DENND6B: variants seen among roughly 807,000 people sequenced by gnomAD.
DENND6B encodes protein DENND6B.
In DENND6B, 73 loss-of-function variants were observed where a neutral mutation model predicts 85.1. The ratio of observed to expected loss-of-function variants is 0.86; its 90% CI spans 0.71 to 1.04. The LOEUF is 1.04. DENND6B is among the 50% of genes least tolerant of loss of function. DENND6B has a pLI of 0.00. For synonymous variants in DENND6B, 357 were observed against 329.3 expected (o/e 1.08, Z -0.91); for missense variants, 715 against 785.8 (o/e 0.91, Z 1.08).
rs1379533292 is a variant in DENND6B at position 50,314,248 on chromosome 22, A to T, written c.1097T>A (p.Leu366Gln). Residue 366 changes from leucine (L) to glutamine (Q), a missense_variant, in exon 13 of 20, where the codon CTG becomes CAG. Physicochemically the swap from Leu to Gln is moderately radical, Grantham distance 113. Transcript: ENST00000413817. ...MSGDLPKQVKLKKPSRLKTLD... is the reference protein window; with the variant it reads ...MSGDLPKQVKQKKPSRLKTLD... ...GGTCTTCAACCTTGAAGGCTTTTTC[A>T]GCTTGACTTGCTTAGGCAGGTCTCC... 6.2e-7 allele frequency: 1 copy of T among 1,609,600 alleles called. No individual in the cohort carries two copies. The highest frequency in any genetic ancestry group is 1.7e-5 in the Admixed American group (1 of 59,970).
rs146060526 is a variant in DENND6B, at chr22:50,323,721, C to CTTT, written c.177+3088_177+3090dup. ...ACAGGCATCAGCCAGCACGCCTAGC[C>CTTT]TTTTTTTTTTTTTTTTTTTTTTAAT... is the stretch of plus-strand genomic sequence containing the variant. On this transcript the variant is annotated intron_variant, in intron 1 of 19. Transcript: ENST00000413817. Among the ~76,000 whole-genome samples, 15 of 104,580 alleles carry CTTT rather than the reference C, an allele frequency of 1.4e-4. 1 individual carries two copies. Among genetic ancestry groups the CTTT allele is most frequent in the Admixed American group, 3.4e-4 (3 of 8,800 alleles). The allele number at this position is 104,580 out of a possible 152,430, so 68.6% of individuals were successfully genotyped here.
chr22:50,312,742 T>C (rs2068090185), intron 17 of DENND6B, 117 bp from the exon 18 acceptor site: 1 of 283,102 alleles, frequency 3.5e-6, no homozygotes, highest in Non-Finnish European at 6.2e-6. Context: ...ACCCTGGGGA[T>C]TGACAGGCGG....
chr22:50,318,948 A>G lies in DENND6B; in HGVS notation c.216+17T>C. 1 of 1,608,880 alleles carries G rather than the reference A, an allele frequency of 6.2e-7. No homozygotes were observed. The highest frequency in any genetic ancestry group is 1.3e-5 in the African/African-American group (1 of 74,882). ...CACTCCTGGGTCCTGTCCATTCCCA[A>G]GAGGGCCGGGACTCACCTCCTTGTC... is the stretch of plus-strand genomic sequence containing the variant. On this transcript the variant is annotated intron_variant, in intron 2 of 19. Coordinates refer to ENST00000413817, the MANE Select transcript of DENND6B (RefSeq NM_001001794.4).
intron 1 of DENND6B, among the ~76,000 whole-genome samples, chr22:50,324,501 C>T (rs1408617252): frequency 3.9e-5 from 6 of 152,144 alleles, no homozygotes; most frequent in Admixed American, 2.0e-4. Flanking sequence ...CTCGGCTCAC[C>T]ACAACCTCCG....
intron 1 of DENND6B, among the ~76,000 whole-genome samples, chr22:50,325,332 TC>T (rs2042160437): frequency 7.1e-6 from 1 of 140,398 alleles, no homozygotes; most frequent in Non-Finnish European, 1.5e-5. Flanking sequence ...CAGAGGAACC[TC>T]CTTTTTTTTT....
intron 17 of DENND6B, 23 bp from the exon 18 acceptor site, chr22:50,312,648 G>A (rs957438039): frequency 1.3e-6 from 2 of 1,541,370 alleles, no homozygotes; most frequent in Non-Finnish European, 8.8e-7. Flanking sequence ...ACAGGCGGGG[G>A]GCCATGGGGC....
At chr22:50,319,029 T>A (rs778965917) in intron 1 of DENND6B, 26 bp from the exon 2 acceptor site, 1 of 1,581,398 alleles carries the variant, frequency 6.3e-7, no homozygotes, top group Non-Finnish European at 8.6e-7. Context: ...GAGTGCTTGG[T>A]GACACCATCT....
chr22:50,318,789 G>A (rs903403011), intron 3 of DENND6B, 58 bp downstream of exon 3: 1 of 1,602,470 alleles, frequency 6.2e-7, no homozygotes, highest in African/African-American at 1.3e-5. Flanking sequence ...CCTGGCCCAG[G>A]CTACAGGGAT....
intron 1 of DENND6B, among the ~76,000 whole-genome samples, chr22:50,320,835 G>A (rs939729939): frequency 9.8e-5 from 15 of 152,316 alleles, no homozygotes; most frequent in East Asian, 1.9e-4. Flanking sequence ...TCTGAGCTCC[G>A]TGCCCATGCC....
At position 50,312,503 on chromosome 22, in the gene DENND6B, C is replaced by G. The variant is rs758712234; in HGVS notation, c.1560+20G>C. The G allele has an allele frequency of 4.4e-6, 7 of 1,573,270 alleles. No homozygotes were observed. Among genetic ancestry groups the G allele is most frequent in the Non-Finnish European group, 6.0e-6 (7 of 1,160,524 alleles). ...ACCCCCACCATGTTCTGGCCCTCCC[C>G]AACCCCCAGCCTCTCTCACCGCCTC... On this transcript the variant is annotated intron_variant, in intron 18 of 19. Coordinates refer to ENST00000413817, the MANE Select transcript of DENND6B (RefSeq NM_001001794.4).
At chr22:50,325,561 T>G (rs2147796259) in intron 1 of DENND6B, among the ~76,000 whole-genome samples, 1 of 152,280 alleles carries the variant, frequency 6.6e-6, no homozygotes, top group Non-Finnish European at 1.5e-5. Context: ...GGTCTCAAAC[T>G]GCTGACCTTG....
intron 9 of DENND6B, 105 bp downstream of exon 9, chr22:50,315,605 GACAC>G (rs917667480): frequency 6.2e-5 from 81 of 1,301,578 alleles, no homozygotes; most frequent in Non-Finnish European, 7.4e-5. Flanking sequence ...CACTCACGCA[GACAC>G]ACACGCACAC....
rs1335826564 is a variant in DENND6B, at chr22:50,317,919, C to T, written c.361G>A (p.Val121Met). Residue 121 changes from valine (V) to methionine (M), a missense_variant, in exon 4 of 20, where the codon GTG (valine) becomes ATG (methionine). Transcript: ENST00000413817. ...DDRHYNSRAP[V>M]ALQREPAHYF... ...AGCCCAGTGCTCACCTGCAGTGCCA[C>T]AGGGGCCCTGCTGTTGTAGTGCCTG... 6.2e-7 allele frequency: 1 copy of T among 1,608,550 alleles called. No individual in the cohort carries two copies. The highest frequency in any genetic ancestry group is 1.1e-5 in the South Asian group (1 of 90,968).
At chr22:50,320,640 G>A (rs2042014928) in intron 1 of DENND6B, among the ~76,000 whole-genome samples, 1 of 152,324 alleles carries the variant, frequency 6.6e-6, no homozygotes, top group Admixed American at 6.5e-5. Context: ...GGACGAGGGT[G>A]GAAGCTGGGA....
chr22:50,316,357 G>A lies in DENND6B; in HGVS notation c.559+13C>T, dbSNP rs767052028. 6.4e-7 allele frequency: 1 copy of A among 1,568,876 alleles called. No homozygotes were observed. Among genetic ancestry groups the A allele is most frequent in the Non-Finnish European group, 8.6e-7 (1 of 1,158,388 alleles). ...TGATGAGACCACGATGGCCACGACT[G>A]ATGGCCACTCACCTGCTTCCAGGCA... is the stretch of plus-strand genomic sequence containing the variant. On this transcript the variant is annotated intron_variant, in intron 6 of 19. Transcript: ENST00000413817.
chr22:50,322,415 T>C (rs1326692494), intron 1 of DENND6B, among the ~76,000 whole-genome samples: 1 of 151,854 alleles, frequency 6.6e-6, no homozygotes, highest in Admixed American at 6.6e-5. Flanking sequence ...GACTGCAGAG[T>C]ATGGGCACTG....
At chr22:50,321,303 G>A (rs1028437302) in intron 1 of DENND6B, among the ~76,000 whole-genome samples, 5 of 152,126 alleles carry the variant, frequency 3.3e-5, no homozygotes, top group African/African-American at 9.7e-5. Context: ...TGTCCTAGAG[G>A]GCTGAATGCA....
At position 50,317,319 on chromosome 22, in the gene DENND6B, A is replaced by T. The variant is rs2041883651; in HGVS notation, c.427T>A (p.Ser143Thr). The T allele has an allele frequency of 6.2e-7, 1 of 1,612,830 alleles. No individual in the cohort carries two copies. The highest frequency in any genetic ancestry group is 1.3e-5 in the African/African-American group (1 of 74,858). The change falls in exon 5 of 20, where the codon TCT becomes ACT. Residue 143 changes from serine to threonine, a missense_variant. By Grantham distance (58) the Ser-to-Thr change is moderately conservative. Transcript: ENST00000413817. ...YVYFRQVKDS[S>T]VKRGYFQKSL... Reference sequence around the variant, plus strand: ...TTCTGGAAGTAGCCCCTCTTCACAGAGCTGTCCTTCACCTGCCTGAAGTAC... The same window carrying T: ...TTCTGGAAGTAGCCCCTCTTCACAGTGCTGTCCTTCACCTGCCTGAAGTAC...
chr22:50,311,866 C>A lies in DENND6B; in HGVS notation c.*273G>T. 2.0e-6 allele frequency: 1 copy of A among 504,140 alleles called. No homozygotes were observed. The highest frequency in any genetic ancestry group is 3.5e-6 in the Non-Finnish European group (1 of 287,042). 31.2% of individuals were successfully genotyped at this position (504,140 alleles called of 1,614,324 possible). A position where few individuals can be genotyped will look rare whatever the true frequency, so the allele number is the denominator to read the frequency against. On this transcript the variant is annotated 3_prime_UTR_variant, in exon 20 of 20. Transcript: ENST00000413817. ...CATCAGCAAGGGCTCCCAGCCTGTCCCCGCCCCCGTCCCAGCCTAAGGTCT... is the reference window on the plus strand; with the variant it reads ...CATCAGCAAGGGCTCCCAGCCTGTCACCGCCCCCGTCCCAGCCTAAGGTCT...
Sources: gnomAD v4.1 joint callset for allele counts (sites outside exome capture counted in the v4.1 genomes callset) on GRCh38, gnomAD v4.1.1 for gene constraint, MANE v1.5 for transcripts, NCBI Gene and HGNC (gene_info 2026-07-23, HGNC 2026-07-21) for gene names.